Variants in MOSMO observed in about 807,000 individuals in gnomAD.
MOSMO encodes the protein modulator of smoothened protein.
MOSMO carries 5 observed loss-of-function variants against 18.4 expected under a neutral mutation model. The ratio of observed to expected loss-of-function variants is 0.27; its 90% CI spans 0.14 to 0.57. The LOEUF is 0.57. Ranked by LOEUF, MOSMO falls within the 20% of genes least tolerant of loss-of-function variation. The pLI is 0.92. For missense variants in MOSMO, 138 were observed against 211.8 expected, an observed-to-expected ratio of 0.65 and a Z score of 2.16; for synonymous variants, 82 against 82.3, an observed-to-expected ratio of 1.00 and a Z score of 0.02.
chr16:22,067,295 A>G (rs892619224), intron 1 of MOSMO, among the ~76,000 whole-genome samples: 1 of 152,194 alleles, frequency 6.6e-6, no homozygotes, highest in Non-Finnish European at 1.5e-5. Flanking sequence ...AAGGAGCGGA[A>G]AGAATGTCTA....
intron 1 of MOSMO, among the ~76,000 whole-genome samples, chr16:22,036,227 G>T (rs1489798582): frequency 3.3e-5 from 5 of 152,076 alleles, no homozygotes; most frequent in African/African-American, 4.8e-5. Flanking sequence ...CCTGGGCCAA[G>T]TGATCCGCTT....
intron 1 of MOSMO, among the ~76,000 whole-genome samples, chr16:22,040,233 C>T (rs1002040946): frequency 2.0e-5 from 3 of 152,056 alleles, no homozygotes; most frequent in Non-Finnish European, 2.9e-5. Context: ...CACATGGACA[C>T]ATAAGAGGGG....
chr16:22,052,834 T>C (rs1900453258), intron 1 of MOSMO, among the ~76,000 whole-genome samples: 1 of 151,568 alleles, frequency 6.6e-6, no homozygotes, highest in Non-Finnish European at 1.5e-5. Flanking sequence ...ATTGTAAAAC[T>C]ACAAGCAAGG....
At chr16:22,079,838 C>T (rs1901042120) in intron 2 of MOSMO, among the ~76,000 whole-genome samples, 1 of 152,112 alleles carries the variant, frequency 6.6e-6, no homozygotes, top group South Asian at 2.1e-4. Flanking sequence ...GGCTGGAGTG[C>T]AGTGGCACAA....
intron 1 of MOSMO, among the ~76,000 whole-genome samples, chr16:22,043,970 CCTG>C (rs774968743): frequency 1.6e-4 from 24 of 152,200 alleles, no homozygotes; most frequent in Non-Finnish European, 3.2e-4. Flanking sequence ...AGGTGAAAGG[CCTG>C]TCTTACATGG....
chr16:22,035,112 A>G (rs1900081415), intron 1 of MOSMO, among the ~76,000 whole-genome samples: 1 of 152,098 alleles, frequency 6.6e-6, no homozygotes, highest in South Asian at 2.1e-4. Context: ...TCCTGTCAAT[A>G]TGAATGACGG....
chr16:22,047,487 G>A (rs28374501), intron 1 of MOSMO, among the ~76,000 whole-genome samples: 4,794 of 151,854 alleles, frequency 0.032, 263 homozygotes, highest in African/African-American at 0.11. Context: ...CTTGTGATCC[G>A]CCCGCCTCGG....
chr16:22,029,773 G>A (rs1598002868), intron 1 of MOSMO, among the ~76,000 whole-genome samples: 1 of 152,074 alleles, frequency 6.6e-6, no homozygotes, highest in Non-Finnish European at 1.5e-5. Context: ...CTACAGGCAT[G>A]GACACTACCA....
intron 1 of MOSMO, among the ~76,000 whole-genome samples, chr16:22,073,846 C>T (rs567268514): frequency 1.3e-5 from 2 of 151,906 alleles, no homozygotes; most frequent in East Asian, 3.9e-4. Flanking sequence ...CTGTGATAAC[C>T]CCATAAGTAT....
Position 22,008,368 on chromosome 16 carries a change from A to G in MOSMO, c.67A>G (p.Ile23Val), listed in dbSNP as rs1899434664. 1 of 1,533,892 alleles carries G rather than the reference A, an allele frequency of 6.5e-7. No individual in the cohort carries two copies. Among genetic ancestry groups the G allele is most frequent in the Non-Finnish European group, 8.7e-7 (1 of 1,146,058 alleles). Residue 23 changes from isoleucine (I) to valine (V), a missense_variant, in exon 1 of 3, where the codon ATC (isoleucine) becomes GTC (valine). By Grantham distance (29) the Ile-to-Val change is conservative (BLOSUM62 3). Coordinates refer to ENST00000542527, the MANE Select transcript of MOSMO (RefSeq NM_001164579.2). ...CGCCGATATCTTCGCCATCGCCAGC[A>G]TCGCCAACCCGGACTGGATCAACAC... is the stretch of plus-strand genomic sequence containing the variant. ...LAADIFAIAS[I>V]ANPDWINTGE... is the part of the protein sequence containing the mutation.
At chr16:22,020,700 T>C (rs1219014848) in intron 1 of MOSMO, among the ~76,000 whole-genome samples, 2 of 152,234 alleles carry the variant, frequency 1.3e-5, no homozygotes, top group East Asian at 3.8e-4. Flanking sequence ...GTCCATGTTG[T>C]AGTTGAAATA....
intron 1 of MOSMO, among the ~76,000 whole-genome samples, chr16:22,028,242 T>G (rs1567502548): frequency 1.3e-5 from 2 of 152,146 alleles, no homozygotes; most frequent in African/African-American, 4.8e-5. Context: ...AATATAACTT[T>G]CCTTTATTAT....
intron 1 of MOSMO, among the ~76,000 whole-genome samples, chr16:22,020,004 G>A (rs12934163): frequency 0.074 from 11,193 of 151,694 alleles, 626 homozygotes; most frequent in South Asian, 0.25. Context: ...AGCTGAGGTC[G>A]GGAGTTCAAG....
downstream of MOSMO, chr16:22,092,519 C>T (rs1901363564): frequency 5.9e-6 from 8 of 1,350,390 alleles, no homozygotes; most frequent in South Asian, 6.9e-5. Flanking sequence ...TAACACATTC[C>T]CGCAGGGCAA....
downstream of MOSMO, chr16:22,087,582 G>T (rs1382505229): frequency 6.6e-6 from 1 of 152,128 alleles, no homozygotes; most frequent in Non-Finnish European, 1.5e-5. Context: ...AGAAGTTGAA[G>T]AACCAAAATC....
chr16:22,014,237 T>A (rs1899593818), intron 1 of MOSMO, among the ~76,000 whole-genome samples: 1 of 152,150 alleles, frequency 6.6e-6, no homozygotes, highest in Admixed American at 6.5e-5. Flanking sequence ...TGACAAGGAT[T>A]GAGTGAGGAG....
chr16:22,075,556 C>T lies in MOSMO; in HGVS notation c.176C>T (p.Pro59Leu), dbSNP rs746748071. The change falls in exon 2 of 3, where the codon CCC (proline) becomes CTC (leucine). Residue 59 changes from proline (P) to leucine (L), a missense_variant. Pro to Leu is a moderately conservative substitution (Grantham distance 98). Coordinates refer to ENST00000542527, the MANE Select transcript of MOSMO (RefSeq NM_001164579.2). ...GGACGAGACCGGACGTGCATCCCTC[C>T]CCGGCTTCCCCCGGAGTGGGTCACC... ...IHGRDRTCIP[P>L]RLPPEWVTTL... 6.5e-7 allele frequency: 1 copy of T among 1,537,262 alleles called. No individual in the cohort carries two copies. Among genetic ancestry groups the T allele is most frequent in the Admixed American group, 2.0e-5 (1 of 51,006 alleles).
At chr16:22,035,495 G>T (rs1367669855) in intron 1 of MOSMO, among the ~76,000 whole-genome samples, 1 of 151,486 alleles carries the variant, frequency 6.6e-6, no homozygotes, top group Non-Finnish European at 1.5e-5. Context: ...TCAAGCCTGG[G>T]CCCCTCTGGA....
chr16:22,080,169 G>C (rs1408025463), intron 2 of MOSMO, among the ~76,000 whole-genome samples: 3 of 152,132 alleles, frequency 2.0e-5, no homozygotes, highest in Non-Finnish European at 4.4e-5. Flanking sequence ...CTAACACTGA[G>C]AGGAACAGAG....
Sources: allele counts gnomAD v4.1 joint callset (sites outside exome capture counted in the v4.1 genomes callset), GRCh38; gene constraint gnomAD v4.1.1; transcripts MANE v1.5; gene names NCBI Gene and HGNC (gene_info 2026-07-23, HGNC 2026-07-21).